The following SYTL5 variants were observed in gnomAD, a reference collection of about 807,000 sequenced individuals.
SYTL5 encodes synaptotagmin like 5.
SYTL5 carries 34 observed loss-of-function variants against 55.9 expected under a neutral mutation model. That is an observed-to-expected ratio of 0.61 (90% CI 0.46 to 0.81). The LOEUF (loss-of-function observed/expected upper bound fraction) is 0.81, where lower values mean the gene tolerates loss of function less well. Ranked by LOEUF, SYTL5 falls within the 30% of genes least tolerant of loss-of-function variation. The pLI is 0.00. For missense variants in SYTL5, 637 were observed against 546.7 expected (o/e 1.17, Z -1.65); for synonymous variants, 221 against 188.7 (o/e 1.17, Z -1.40).
chrX:37,948,611 C>T, the SYTL5 span, among the ~76,000 whole-genome samples: 31 of 110,277 alleles, frequency 2.8e-4, no homozygotes, highest in African/African-American at 1.0e-3. Flanking sequence ...CACCACCTCC[C>T]CGCCTCAGCC....
chrX:38,104,424 C>G (rs1468297515), intron 10 of SYTL5, among the ~76,000 whole-genome samples: 1 of 111,809 alleles, frequency 8.9e-6, no homozygotes, highest in Non-Finnish European at 1.9e-5. Context: ...GGGTGCTGCT[C>G]AAAGCCACCT....
chrX:37,910,967 C>CTTTTTTTTTT, the SYTL5 span, among the ~76,000 whole-genome samples: 1,689 of 82,440 alleles, frequency 0.02, 62 homozygotes, highest in African/African-American at 0.024. Context: ...GATAGCATTA[C>CTTTTTTTTTT]TTTTTTTTTT....
the SYTL5 span, among the ~76,000 whole-genome samples, chrX:37,925,216 T>C: frequency 8.9e-6 from 1 of 112,175 alleles, no homozygotes; most frequent in Non-Finnish European, 1.9e-5. Context: ...TAATCTTTTC[T>C]AATCTTTTTA....
At chrX:38,030,287 T>C (rs764790492) in intron 1 of SYTL5, among the ~76,000 whole-genome samples, 2 of 111,716 alleles carry the variant, frequency 1.8e-5, no homozygotes, top group Non-Finnish European at 3.8e-5. Context: ...AAACGTTGGA[T>C]AATGCAATGC....
At position 38,045,279 on chromosome X, in the gene SYTL5, C is replaced by G. The variant is rs768894075; in HGVS notation, c.120-8934C>G. 3.6e-5 allele frequency among the ~76,000 whole-genome samples: 4 copies of G among 111,821 alleles called. No homozygotes were observed. In the East Asian group the frequency reaches 1.1e-3, roughly 31 times the overall value. ...CAGAATGAATGCTTGAGTCATTGTC[C>G]CTTTGCATATATGAGCACATTTAAT... On this transcript the variant is annotated intron_variant, in intron 2 of 16. Transcript: ENST00000297875.
At chrX:37,953,067 C>G in the SYTL5 span, among the ~76,000 whole-genome samples, 1 of 111,318 alleles carries the variant, frequency 9.0e-6, no homozygotes, top group South Asian at 3.8e-4. Context: ...TATATTCACT[C>G]TGGAGCGAGT....
intron 3 of SYTL5, among the ~76,000 whole-genome samples, chrX:38,069,550 C>G (rs1936197994): frequency 8.9e-6 from 1 of 112,142 alleles, no homozygotes; most frequent in Non-Finnish European, 1.9e-5. Flanking sequence ...GACCTCTACA[C>G]CTCAGAGCTT....
At chrX:38,110,052 A>G (rs962604640) in intron 12 of SYTL5, among the ~76,000 whole-genome samples, 16 of 111,847 alleles carry the variant, frequency 1.4e-4, no homozygotes, top group Non-Finnish European at 2.4e-4. Flanking sequence ...TTCATCACCT[A>G]ACACTTTTTA....
Position 38,117,441 on chromosome X carries a change from C to G in SYTL5, c.1597-2917C>G, listed in dbSNP as rs12388645. On this transcript the variant is annotated intron_variant, in intron 13 of 16. Transcript: ENST00000297875. ...TAGTATGTGATTCCTACACATATAA[C>G]TTTTTCCTACTGGCGTATTTTCATA... is the stretch of plus-strand genomic sequence containing the variant. Among the ~76,000 whole-genome samples, 684 of 111,959 alleles carry G rather than the reference C, an allele frequency of 6.1e-3. 7 individuals are homozygous for G. Among genetic ancestry groups the G allele is most frequent in the African/African-American group, 0.021 (651 of 30,813 alleles).
the SYTL5 span, among the ~76,000 whole-genome samples, chrX:37,962,238 G>A: frequency 1.2e-4 from 13 of 109,322 alleles, no homozygotes; most frequent in African/African-American, 4.3e-4. Context: ...CCGACCCCAC[G>A]ACAGGCCCCG....
chrX:38,086,978 T>C (rs184820326), intron 6 of SYTL5, among the ~76,000 whole-genome samples: 7 of 111,731 alleles, frequency 6.3e-5, no homozygotes, highest in African/African-American at 2.3e-4. Context: ...ACAGGATAAC[T>C]TCTTGAATGT....
At position 38,096,161 on chromosome X, in the gene SYTL5, G is replaced by T; in HGVS notation, c.989G>T (p.Ser330Ile). The T allele has an allele frequency of 8.4e-7, 1 of 1,188,893 alleles. No individual in the cohort carries two copies. The highest frequency in any genetic ancestry group is 1.1e-6 in the Non-Finnish European group (1 of 879,210). ...CAGAGTCGATCTGAGTTAGATTTGA[G>T]TGAGTCATTTACAGAAGACTCAGAG... Reference protein sequence around the residue: ...SDQSRSELDLSESFTEDSEDT... With the variant: ...SDQSRSELDLIESFTEDSEDT... The change falls in exon 9 of 17, where the codon AGT becomes ATT. Residue 330 changes from serine (S) to isoleucine (I), a missense_variant. Ser to Ile is a moderately radical substitution (Grantham distance 142). Transcript: ENST00000297875.
intron 1 of SYTL5, among the ~76,000 whole-genome samples, chrX:38,012,475 A>G (rs1034464203): frequency 1.8e-5 from 2 of 111,938 alleles, no homozygotes; most frequent in Non-Finnish European, 3.8e-5. Context: ...GCAATAGAGA[A>G]ACCAAACTTG....
the SYTL5 span, among the ~76,000 whole-genome samples, chrX:37,914,290 A>G: frequency 1.3e-3 from 144 of 112,108 alleles, 1 homozygote; most frequent in African/African-American, 4.5e-3. Flanking sequence ...TGGCCATAGC[A>G]ACATGGTTCA....
intron 1 of SYTL5, among the ~76,000 whole-genome samples, chrX:38,021,201 A>T (rs757417501): frequency 8.9e-6 from 1 of 111,793 alleles, no homozygotes; most frequent in South Asian, 3.7e-4. Context: ...GTCACTGATT[A>T]TCTAAGGGAT....
At chrX:37,967,183 C>G in the SYTL5 span, among the ~76,000 whole-genome samples, 8 of 111,236 alleles carry the variant, frequency 7.2e-5, no homozygotes, top group African/African-American at 2.6e-4. Flanking sequence ...TCCCAAGTAG[C>G]TGGGACTACA....
At chrX:38,110,189 T>A in intron 12 of SYTL5, 132 bp from the exon 13 acceptor site, 1 of 405,663 alleles carries the variant, frequency 2.5e-6, no homozygotes, top group Non-Finnish European at 3.9e-6. Context: ...AAACAAAGAG[T>A]TTTCTTTGTG....
chrX:37,951,303 A>G, the SYTL5 span, among the ~76,000 whole-genome samples: 2 of 112,016 alleles, frequency 1.8e-5, no homozygotes, highest in Non-Finnish European at 3.8e-5. Context: ...AATCACATGT[A>G]TTAATAGCAA....
chrX:37,917,469 G>A, the SYTL5 span, among the ~76,000 whole-genome samples: 2 of 111,469 alleles, frequency 1.8e-5, no homozygotes, highest in African/African-American at 6.5e-5. Flanking sequence ...CACAAACTAT[G>A]GCTAGCCCTA....
Sources: gnomAD v4.1 joint callset for allele counts (sites outside exome capture counted in the v4.1 genomes callset) on GRCh38, gnomAD v4.1.1 for gene constraint, MANE v1.5 for transcripts, NCBI Gene and HGNC (gene_info 2026-07-23, HGNC 2026-07-21) for gene names.